PIP5K1C: variants seen among roughly 807,000 people sequenced by gnomAD.
PIP5K1C encodes phosphatidylinositol-4-phosphate 5-kinase type 1 gamma.
PIP5K1C carries 45 observed loss-of-function variants against 80.1 expected under a neutral mutation model. The observed-to-expected ratio is 0.56, with a 90% CI of 0.44 to 0.72. The LOEUF (loss-of-function observed/expected upper bound fraction) is 0.72. PIP5K1C is among the 30% of genes least tolerant of loss of function. The pLI, the probability that PIP5K1C is intolerant of heterozygous loss-of-function variation, is 0.00. For missense variants in PIP5K1C, 753 were observed against 954.6 expected, an observed-to-expected ratio of 0.79 and a Z score of 2.78; for synonymous variants, 498 against 420.1, an observed-to-expected ratio of 1.19 and a Z score of -2.27.
At chr19:3,650,432 C>T (rs954654079) in intron 8 of PIP5K1C, among the ~76,000 whole-genome samples, 1 of 152,262 alleles carries the variant, frequency 6.6e-6, no homozygotes, top group Non-Finnish European at 1.5e-5. Flanking sequence ...TGCTATACGA[C>T]ACCTGTCTAT....
intron 3 of PIP5K1C, 120 bp from the exon 4 acceptor site, chr19:3,662,121 C>T: frequency 7.9e-7 from 1 of 1,273,656 alleles, no homozygotes; most frequent in Non-Finnish European, 1.1e-6. Flanking sequence ...CACCTGCCAA[C>T]CCCCTCCTGG....
chr19:3,639,428 T>C (rs2033865591), intron 15 of PIP5K1C, among the ~76,000 whole-genome samples: 1 of 152,138 alleles, frequency 6.6e-6, no homozygotes, highest in African/African-American at 2.4e-5. Flanking sequence ...AGCTTCTTCC[T>C]TCTTTCATTG....
chr19:3,668,598 C>T (rs1042006630), intron 1 of PIP5K1C, among the ~76,000 whole-genome samples: 1 of 152,236 alleles, frequency 6.6e-6, no homozygotes, highest in Non-Finnish European at 1.5e-5. Context: ...GGCTGGACTC[C>T]TGGCCTCGGA....
intron 1 of PIP5K1C, among the ~76,000 whole-genome samples, chr19:3,678,467 T>TGGAGGGATGGAGGAG (rs2035472906): frequency 1.8e-5 from 1 of 54,100 alleles, no homozygotes; most frequent in African/African-American, 7.8e-5. Context: ...GGATGGAGGA[T>TGGAGGGATGGAGGAG]GGAGGGATGG....
rs2033767031 is a variant in PIP5K1C at position 3,637,821 on chromosome 19, G to GC, written c.1920+1062dup. On this transcript the variant is annotated intron_variant, in intron 16 of 17. Coordinates refer to ENST00000335312, the MANE Select transcript of PIP5K1C (RefSeq NM_012398.3). The surrounding 1 kb of genome is among the most constrained non-coding windows in gnomAD (Gnocchi z 7.0). The stretch of plus-strand genomic sequence containing the variant: ...CCTTCTCTGCTGCCCACCTGGCAGG[G>GC]CATCAGGACACAGACACACAGCACG... The GC allele has an allele frequency of 6.5e-7, 1 of 1,535,072 alleles. No homozygotes were observed. Among genetic ancestry groups the GC allele is most frequent in the South Asian group, 1.2e-5 (1 of 84,046 alleles).
chr19:3,656,815 G>A (rs922724649), intron 5 of PIP5K1C, among the ~76,000 whole-genome samples: 18 of 152,220 alleles, frequency 1.2e-4, no homozygotes, highest in African/African-American at 4.3e-4. Context: ...GCTCTCCTTA[G>A]GAGCGGACAC....
rs1568325396 is a variant in PIP5K1C at position 3,651,850 on chromosome 19, C to G, written c.1103G>C (p.Gly368Ala). 2 of 1,612,280 alleles carry G rather than the reference C, an allele frequency of 1.2e-6. No individual in the cohort carries two copies. The highest frequency in any genetic ancestry group is 3.3e-5 in the Admixed American group (2 of 60,016). The change falls in exon 8 of 18, where the codon GGG becomes GCG. Residue 368 changes from glycine (G) to alanine (A), a missense_variant. Around this residue, in one of 6 missense-constraint regions of PIP5K1C, gnomAD observed 114 missense variants for 152.4 expected, o/e 0.75. Coordinates refer to ENST00000335312, the MANE Select transcript of PIP5K1C (RefSeq NM_012398.3). ...MESIQGGAAR[G>A]EAIESDDTMG... Reference sequence around the variant, plus strand: ...CGTGTCATCCGATTCGATGGCCTCCCCGCGCGCGGCGCCACCCTGGATGGA... The same window carrying G: ...CGTGTCATCCGATTCGATGGCCTCCGCGCGCGCGGCGCCACCCTGGATGGA...
At chr19:3,652,873 G>C (rs950083680) in intron 7 of PIP5K1C, among the ~76,000 whole-genome samples, 1 of 152,084 alleles carries the variant, frequency 6.6e-6, no homozygotes, top group African/African-American at 2.4e-5. Flanking sequence ...CTGGGGGGTG[G>C]GGGGACTCTA....
At position 3,700,346 on chromosome 19, in the gene PIP5K1C, C is replaced by T; in HGVS notation, c.45G>A (p.Gly15=). Residue 15 remains glycine, a synonymous_variant, in exon 1 of 18, where the codon GGG becomes GGA. Coordinates refer to ENST00000335312, the MANE Select transcript of PIP5K1C (RefSeq NM_012398.3). ...CCCACGCCGCCTCCGAGGGCACGGC[C>T]CCCGCCTCAGCGCTCTCCGCCTCGT... ...VPDEAESAEA[G]AVPSEAAWAA... 1 of 1,296,316 alleles carries T rather than the reference C, an allele frequency of 7.7e-7. No homozygotes were observed. The highest frequency in any genetic ancestry group is 1.5e-5 in the South Asian group (1 of 66,926). The allele number at this position is 1,296,316 out of a possible 1,614,324, so 80.3% of individuals were successfully genotyped here. A position where few individuals can be genotyped will look rare whatever the true frequency, so the allele number is the denominator to read the frequency against.
intron 12 of PIP5K1C, among the ~76,000 whole-genome samples, chr19:3,643,641 C>T (rs538702102): frequency 3.7e-4 from 57 of 152,154 alleles, no homozygotes; most frequent in African/African-American, 1.3e-3. Flanking sequence ...TCTCCCTCCC[C>T]GCTGTCTTCC....
At position 3,679,386 on chromosome 19, in the gene PIP5K1C, G is replaced by C. The variant is rs181138258; in HGVS notation, c.95-12033C>G. ...CTGCTTGGCCGGCTCCTGTCCTCCC[G>C]TTTGGGTCTCAGCCTCTCACCTCCC... On this transcript the variant is annotated intron_variant, in intron 1 of 17. Coordinates refer to ENST00000335312, the MANE Select transcript of PIP5K1C (RefSeq NM_012398.3). Among the ~76,000 whole-genome samples, 52 of 152,276 alleles carry C rather than the reference G, an allele frequency of 3.4e-4. No homozygotes were observed. The East Asian group carries it at 9.9e-3, about 29-fold the overall frequency.
At chr19:3,694,191 G>A (rs1441664983) in intron 1 of PIP5K1C, among the ~76,000 whole-genome samples, 3 of 146,310 alleles carry the variant, frequency 2.1e-5, no homozygotes, top group Non-Finnish European at 4.5e-5. Context: ...CAGCCCGGGC[G>A]AGACAGCGAG....
rs1033128034 is a variant in PIP5K1C, at chr19:3,682,328, C to G, written c.95-14975G>C. 2.7e-5 allele frequency among the ~76,000 whole-genome samples: 4 copies of G among 148,266 alleles called. No homozygotes were observed. The Admixed American group carries it at 2.7e-4, about 10-fold the overall frequency. On this transcript the variant is annotated intron_variant, in intron 1 of 17. Transcript: ENST00000335312. ...GGCAGAGGTTGCAGTGAGCTGAGAT[C>G]GCACCACTGCATTCCAGCCTGGACA... is the stretch of plus-strand genomic sequence containing the variant.
rs1296784060 is a variant in PIP5K1C, at chr19:3,635,256, G to A, written c.1921-1736C>T. Reference sequence around the variant, plus strand: ...ATCCTTCTGCTACAGCATTAGAAACGGGGATACAGGCCAGGTGCAGGAGCT... The same window carrying A: ...ATCCTTCTGCTACAGCATTAGAAACAGGGATACAGGCCAGGTGCAGGAGCT... On this transcript the variant is annotated intron_variant, in intron 16 of 17. Transcript: ENST00000335312. Among the ~76,000 whole-genome samples the A allele has an allele frequency of 2.6e-5, 4 of 152,240 alleles. No homozygotes were observed. The South Asian group carries it at 6.2e-4, about 24-fold the overall frequency.
chr19:3,644,057 C>T (rs748785602), intron 12 of PIP5K1C, 30 bp downstream of exon 12: 1 of 1,608,530 alleles, frequency 6.2e-7, no homozygotes, highest in Admixed American at 1.7e-5. Context: ...CTGTAGCGCC[C>T]ACAAGCGCAC....
chr19:3,652,184 T>A (rs984568330), intron 7 of PIP5K1C, among the ~76,000 whole-genome samples, 153 bp from the exon 8 acceptor site: 2 of 152,162 alleles, frequency 1.3e-5, no homozygotes, highest in African/African-American at 4.8e-5. Context: ...GGGGTTCTAG[T>A]GTTATCCTGA....
chr19:3,658,935 G>A (rs1299652261), intron 5 of PIP5K1C, among the ~76,000 whole-genome samples: 1 of 152,134 alleles, frequency 6.6e-6, no homozygotes, highest in African/African-American at 2.4e-5. Flanking sequence ...CGGTGCTGGG[G>A]CTCTCGGCAG....
rs935195290 is a variant in PIP5K1C, at chr19:3,692,330, G to C, written c.94+7967C>G. On this transcript the variant is annotated intron_variant, in intron 1 of 17. Transcript: ENST00000335312. The surrounding 1 kb of genome is among the most constrained non-coding windows in gnomAD (Gnocchi z 5.2). Reference sequence around the variant, plus strand: ...CAGTCCCACTGCCGGCTCCCACCACGGCCCCCAACGCTCCCTACAGGGGCT... The same window carrying C: ...CAGTCCCACTGCCGGCTCCCACCACCGCCCCCAACGCTCCCTACAGGGGCT... Among the ~76,000 whole-genome samples the C allele has an allele frequency of 6.6e-6, 1 of 152,012 alleles. No homozygotes were observed.
At position 3,638,763 on chromosome 19, in the gene PIP5K1C, T is replaced by C. The variant is rs1454423681; in HGVS notation, c.1920+121A>G. 2.1e-5 allele frequency: 28 copies of C among 1,336,200 alleles called. No homozygotes were observed. The East Asian group carries it at 6.3e-4, about 30-fold the overall frequency. The allele number at this position is 1,336,200 out of a possible 1,614,324, so 82.8% of individuals were successfully genotyped here. On this transcript the variant is annotated intron_variant, in intron 16 of 17. Transcript: ENST00000335312. ...GCTGGTGAGAGAGCATGTGGGTGGG[T>C]CGACAGGGCACACTCACGTGCCTGT... is the stretch of plus-strand genomic sequence containing the variant.
Sources: gnomAD v4.1 joint callset for allele counts (sites outside exome capture counted in the v4.1 genomes callset) on GRCh38, gnomAD v4.1.1 for gene constraint, gnomAD v4.1.1 regional missense constraint, Gnocchi (gnomAD v3.1) non-coding constraint, MANE v1.5 for transcripts, NCBI Gene and HGNC (gene_info 2026-07-23, HGNC 2026-07-21) for gene names.